Variants in SLCO1C1 observed in about 807,000 individuals in gnomAD.
SLCO1C1 encodes solute carrier organic anion transporter family member 1C1.
Under a neutral mutation model 76.4 loss-of-function variants are expected in SLCO1C1, and 70 were observed. The ratio of observed to expected loss-of-function variants is 0.92; its 90% CI spans 0.76 to 1.12. The LOEUF (loss-of-function observed/expected upper bound fraction) is 1.12, where lower values mean the gene tolerates loss of function less well. SLCO1C1 is among the 50% of genes most tolerant of loss of function. The pLI is 0.00. For synonymous variants in SLCO1C1, 306 were observed against 286.1 expected, an observed-to-expected ratio of 1.07 and a Z score of -0.70; for missense variants, 912 against 823.8, an observed-to-expected ratio of 1.11 and a Z score of -1.31.
intron 13 of SLCO1C1, among the ~76,000 whole-genome samples, chr12:20,749,482 G>A (rs1385234904): frequency 6.6e-6 from 1 of 152,122 alleles, no homozygotes; most frequent in East Asian, 1.9e-4. Context: ...AAGTTTATAT[G>A]AAATCTCCTA....
chr12:20,748,617 G>T (rs983687877), intron 13 of SLCO1C1, among the ~76,000 whole-genome samples: 1 of 151,838 alleles, frequency 6.6e-6, no homozygotes, highest in South Asian at 2.1e-4. Flanking sequence ...TTGATCCAAG[G>T]TCAAAGACCA....
At chr12:20,696,728 A>G (rs1451930516) in intron 1 of SLCO1C1, 1 of 151,974 alleles carries the variant, frequency 6.6e-6, no homozygotes. Context: ...ATAACTGTGT[A>G]CTCTTGCTCT....
chr12:20,751,269 A>T (rs1949290946), intron 14 of SLCO1C1, among the ~76,000 whole-genome samples: 1 of 152,158 alleles, frequency 6.6e-6, no homozygotes, highest in Admixed American at 6.5e-5. Flanking sequence ...TTATTCTCGT[A>T]CTTGAAATGC....
At chr12:20,720,518 T>C (rs1445767168) in intron 7 of SLCO1C1, among the ~76,000 whole-genome samples, 1 of 152,176 alleles carries the variant, frequency 6.6e-6, no homozygotes, top group Non-Finnish European at 1.5e-5. Context: ...TTGCAATTCA[T>C]AGGAGGAGGT....
At chr12:20,724,393 ATG>A (rs1198889669) in intron 9 of SLCO1C1, among the ~76,000 whole-genome samples, 8,242 of 92,982 alleles carry the variant, frequency 0.089, 443 homozygotes, top group African/African-American at 0.14. Context: ...GATATATATA[ATG>A]TGTGTGTGTG....
At position 20,732,955 on chromosome 12, in the gene SLCO1C1, G is replaced by C. The variant is rs780034633; in HGVS notation, c.1233G>C (p.Gly411=). 6.2e-7 allele frequency: 1 copy of C among 1,613,886 alleles called. No homozygotes were observed. The highest frequency in any genetic ancestry group is 2.2e-5 in the East Asian group (1 of 44,866). Residue 411 remains glycine, a synonymous_variant, in exon 10 of 15, where the codon GGG becomes GGC. Transcript: ENST00000266509. The part of the protein sequence containing the change: ...PAVALGIFSG[G]IVMKKFRISV... ...TGGCCCTTGGAATATTCTCTGGGGG[G>C]ATAGTTATGAAAAAATTCAGAATCA...
At chr12:20,750,954 T>C (rs1949275964) in intron 14 of SLCO1C1, 162 bp downstream of exon 14, 1 of 1,352,336 alleles carries the variant, frequency 7.4e-7, no homozygotes, top group Non-Finnish European at 1.0e-6. Context: ...TATATTATTA[T>C]TTGATTAGAT....
intron 5 of SLCO1C1, among the ~76,000 whole-genome samples, chr12:20,714,755 A>G (rs1947284477): frequency 6.6e-6 from 1 of 152,186 alleles, no homozygotes; most frequent in Non-Finnish European, 1.5e-5. Flanking sequence ...GACTTGTTCA[A>G]AAGAACTAAA....
chr12:20,733,249 A>G, intron 10 of SLCO1C1, 145 bp downstream of exon 10: 2 of 734,784 alleles, frequency 2.7e-6, no homozygotes, highest in Non-Finnish European at 4.1e-6. Context: ...AACTGACAAT[A>G]CCTAGAATCT....
chr12:20,706,810 A>C (rs1052033144), intron 4 of SLCO1C1, among the ~76,000 whole-genome samples: 2 of 152,190 alleles, frequency 1.3e-5, no homozygotes, highest in African/African-American at 4.8e-5. Context: ...CTTCTCAGGC[A>C]GCAGTTTTCA....
chr12:20,717,215 G>A lies in SLCO1C1; in HGVS notation c.760G>A (p.Gly254Ser), dbSNP rs1947405427. The A allele has an allele frequency of 1.9e-6, 3 of 1,582,252 alleles. No individual in the cohort carries two copies. The highest frequency in any genetic ancestry group is 8.5e-7 in the Non-Finnish European group (1 of 1,170,404). ...ATGTGCCAAACTATATGTTGACATT[G>A]GCTTTGTAAACCTAGGTAAGGAAGT... ...SLCAKLYVDI[G>S]FVNLDHITIT... is the part of the protein sequence containing the mutation. Residue 254 changes from glycine (G) to serine (S), a missense_variant, in exon 7 of 15, where the codon GGC becomes AGC. Coordinates refer to ENST00000266509, the MANE Select transcript of SLCO1C1 (RefSeq NM_017435.5).
intron 9 of SLCO1C1, among the ~76,000 whole-genome samples, chr12:20,732,042 C>T (rs1443129346): frequency 2.0e-5 from 3 of 152,194 alleles, no homozygotes; most frequent in African/African-American, 7.2e-5. Context: ...TAAACCCAGG[C>T]AAGCTGGGTC....
At chr12:20,718,058 C>G (rs1195805485) in intron 7 of SLCO1C1, among the ~76,000 whole-genome samples, 1 of 152,062 alleles carries the variant, frequency 6.6e-6, no homozygotes, top group African/African-American at 2.4e-5. Flanking sequence ...AGTTCCCATC[C>G]AATTATTTTG....
intron 4 of SLCO1C1, among the ~76,000 whole-genome samples, chr12:20,710,300 C>T (rs868049447): frequency 3.3e-5 from 5 of 149,970 alleles, no homozygotes; most frequent in Non-Finnish European, 5.9e-5. Context: ...CTCCGCCTCC[C>T]GGGTTCACGC....
chr12:20,717,831 T>C (rs1453677280), intron 7 of SLCO1C1, among the ~76,000 whole-genome samples: 2 of 151,976 alleles, frequency 1.3e-5, no homozygotes, highest in African/African-American at 4.8e-5. Flanking sequence ...AACTTGTTTC[T>C]ATCTCTGGGA....
chr12:20,748,412 A>C (rs897146067), intron 13 of SLCO1C1, among the ~76,000 whole-genome samples: 1 of 152,124 alleles, frequency 6.6e-6, no homozygotes, highest in Non-Finnish European at 1.5e-5. Flanking sequence ...ACATGCTGAC[A>C]CCTCACTCCC....
At chr12:20,706,384 T>C (rs1946777160) in intron 4 of SLCO1C1, among the ~76,000 whole-genome samples, 1 of 152,098 alleles carries the variant, frequency 6.6e-6, no homozygotes, top group Non-Finnish European at 1.5e-5. Context: ...TGAAAATAAA[T>C]TAACATGGTA....
At chr12:20,717,645 CTTCTTTTTTTTTTTTTTTTTTTTTTTTTT>C (rs1439217806) in intron 7 of SLCO1C1, among the ~76,000 whole-genome samples, 6 of 87,518 alleles carry the variant, frequency 6.9e-5, no homozygotes, top group East Asian at 2.9e-4. Flanking sequence ...CCAAACAGCC[CTTCTTTTTTTTTTTTTTTTTTTTTTTTTT>C]TTTTTTTTTT....
rs779362216 is a variant in SLCO1C1, at chr12:20,711,342, G to A, written c.405-44G>A. 16 of 1,584,008 alleles carry A rather than the reference G, an allele frequency of 1.0e-5. No homozygotes were observed. The African/African-American group carries it at 1.1e-4, about 11-fold the overall frequency. On this transcript the variant is annotated intron_variant, in intron 4 of 14. Coordinates refer to ENST00000266509, the MANE Select transcript of SLCO1C1 (RefSeq NM_017435.5). ...AGCATACACATAATATTCTTAGTAT[G>A]ATGTTAATGAGTCTATCATGAAGAA...
Sources: gnomAD v4.1 joint callset for allele counts (sites outside exome capture counted in the v4.1 genomes callset) on GRCh38, gnomAD v4.1.1 for gene constraint, MANE v1.5 for transcripts, NCBI Gene and HGNC (gene_info 2026-07-23, HGNC 2026-07-21) for gene names.